Variants in BCCIP observed in about 807,000 individuals in gnomAD.
The protein encoded by BCCIP is BRCA2 and CDKN1A-interacting protein.
Under a neutral mutation model 32.8 loss-of-function variants are expected in BCCIP, and 23 were observed. The observed-to-expected ratio is 0.70, with a 90% CI of 0.51 to 0.99. The LOEUF is 0.99. Among genes scored for constraint, BCCIP ranks in the 50% least tolerant of loss-of-function variants. The pLI, the probability that BCCIP is intolerant of heterozygous loss-of-function variation, is 0.00. For synonymous variants in BCCIP, 144 were observed against 137.6 expected (o/e 1.05, Z -0.33); for missense variants, 378 against 379.8 (o/e 1.00, Z 0.04).
At chr10:125,835,578 C>CAAAA (rs5788716) in intron 6 of BCCIP, among the ~76,000 whole-genome samples, 1 of 144,724 alleles carries the variant, frequency 6.9e-6, no homozygotes. Flanking sequence ...GACTCTGTCT[C>CAAAA]AAAAAAAAAA....
In BCCIP at chr10:125,833,856, A is replaced by T. The variant is rs763341535; in HGVS notation, c.684A>T (p.Glu228Asp). The change falls in exon 6 of 7, where the codon GAA becomes GAT. Residue 228 changes from glutamate (E) to aspartate (D), a missense_variant. Transcript: ENST00000278100. ...FYLLISKTFV[E>D]AGKNNSKKKP... ...TTCTGATTAGTAAGACATTTGTGGAAGCAGGAAAAAACAATTCCAAAAAGA... is the reference window on the plus strand; with the variant it reads ...TTCTGATTAGTAAGACATTTGTGGATGCAGGAAAAAACAATTCCAAAAAGA... 6.2e-6 allele frequency: 10 copies of T among 1,614,134 alleles called. No homozygotes were observed. The South Asian group carries it at 1.1e-4, about 18-fold the overall frequency.
At chr10:125,826,236 C>A in intron 1 of BCCIP, 1 of 266,082 alleles carries the variant, frequency 3.8e-6, no homozygotes, top group South Asian at 4.0e-5. Flanking sequence ...TGGATTGATA[C>A]TTAATAAATA....
At chr10:125,831,131 A>G (rs1231757762) in intron 4 of BCCIP, among the ~76,000 whole-genome samples, 2 of 152,240 alleles carry the variant, frequency 1.3e-5, no homozygotes, top group African/African-American at 4.8e-5. Context: ...TTTGAAATAA[A>G]CTGTCCAGTT....
At position 125,833,890 on chromosome 10, in the gene BCCIP, A is replaced by G; in HGVS notation, c.718A>G (p.Asn240Asp). 6.2e-7 allele frequency: 1 copy of G among 1,614,274 alleles called. No homozygotes were observed. Among genetic ancestry groups the G allele is most frequent in the Non-Finnish European group, 8.5e-7 (1 of 1,180,052 alleles). ...GKNNSKKKPS[N>D]KKKAALMFAN... is the part of the protein sequence containing the mutation. ...AAACAATTCCAAAAAGAAACCTAGC[A>G]ACAAAAAGAAAGCTGCGTTAATGTT... The change falls in exon 6 of 7, where the codon AAC becomes GAC. Residue 240 changes from asparagine (N) to aspartate (D), a missense_variant. Coordinates refer to ENST00000278100, the MANE Select transcript of BCCIP (RefSeq NM_078468.3).
chr10:125,834,896 G>T (rs1160525932), intron 6 of BCCIP, among the ~76,000 whole-genome samples: 1 of 152,042 alleles, frequency 6.6e-6, no homozygotes, highest in Non-Finnish European at 1.5e-5. Context: ...ACTTTGGGAG[G>T]TCAAGGCGGG....
chr10:125,824,457 C>T (rs1462916242), intron 1 of BCCIP, among the ~76,000 whole-genome samples: 1 of 152,184 alleles, frequency 6.6e-6, no homozygotes, highest in Non-Finnish European at 1.5e-5. Context: ...AATTCATGCC[C>T]CTCTCTTAAT....
intron 3 of BCCIP, among the ~76,000 whole-genome samples, chr10:125,827,966 T>TG (rs142737492): frequency 0.026 from 1,595 of 60,242 alleles, 37 homozygotes; most frequent in African/African-American, 0.091. Context: ...ACCCTATATC[T>TG]GAAAAAAAAA....
chr10:125,828,792 T>G (rs564932280), intron 3 of BCCIP, among the ~76,000 whole-genome samples: 1 of 152,356 alleles, frequency 6.6e-6, no homozygotes, highest in South Asian at 2.1e-4. Context: ...ACAACTCATC[T>G]GTGCTCCTGC....
chr10:125,845,857 T>C (rs1944010062), downstream of BCCIP, among the ~76,000 whole-genome samples: 1 of 152,196 alleles, frequency 6.6e-6, no homozygotes, highest in East Asian at 1.9e-4. Context: ...CCTCCGAGCT[T>C]AGCTGTGCCT....
At position 125,853,123 on chromosome 10, in the gene BCCIP, A is replaced by G. The variant is rs150182729; in HGVS notation, c.851-2A>G. On this transcript the variant is annotated splice_acceptor_variant, in intron 7 of 7. Transcript: ENST00000368759. LOFTEE classifies it high-confidence loss of function. ...TGGCACTAACAATGATTTTCCTTAC[A>G]GGTGGTTCACGGGGGCAAGTGACAG... 6 of 1,598,810 alleles carry G rather than the reference A, an allele frequency of 3.8e-6. No individual in the cohort carries two copies. The highest frequency in any genetic ancestry group is 5.1e-6 in the Non-Finnish European group (6 of 1,170,878).
chr10:125,841,743 C>A, exon 7 of BCCIP: 1 of 1,609,512 alleles, frequency 6.2e-7, no homozygotes. Context: ...TTAAGGATAC[C>A]TGTTACCATG....
At chr10:125,825,076 C>CT (rs1425916656) in intron 1 of BCCIP, among the ~76,000 whole-genome samples, 1 of 152,270 alleles carries the variant, frequency 6.6e-6, no homozygotes, top group African/African-American at 2.4e-5. Flanking sequence ...AGAACTTTGA[C>CT]TGGCTCTTTT....
At chr10:125,832,977 C>G (rs576242117) in intron 5 of BCCIP, among the ~76,000 whole-genome samples, 4 of 151,744 alleles carry the variant, frequency 2.6e-5, no homozygotes, top group African/African-American at 9.7e-5. Context: ...AAAAAATTAG[C>G]CGGGTATGGT....
At chr10:125,841,652 C>T in exon 7 of BCCIP, 1 of 1,521,234 alleles carries the variant, frequency 6.6e-7, no homozygotes. Flanking sequence ...CTGCTCTGTG[C>T]TCCTCAAAAT....
Position 125,833,911 on chromosome 10 carries a change from A to T in BCCIP, c.739A>T (p.Met247Leu), listed in dbSNP as rs373561999. ...TAGCAACAAAAAGAAAGCTGCGTTA[A>T]TGTTTGCAAATGCAGAGGAAGAATT... ...KPSNKKKAAL[M>L]FANAEEEFFY... The change falls in exon 6 of 7, where the codon ATG (methionine) becomes TTG (leucine). Residue 247 changes from methionine to leucine, a missense_variant. By Grantham distance (15) the Met-to-Leu change is conservative. Transcript: ENST00000278100. 2.9e-5 allele frequency: 47 copies of T among 1,614,140 alleles called. No individual in the cohort carries two copies. The Middle Eastern group carries it at 4.9e-4, about 17-fold the overall frequency.
chr10:125,826,453 G>T lies in BCCIP; in HGVS notation c.166-138G>T, dbSNP rs1298855349. 5 of 1,359,676 alleles carry T rather than the reference G, an allele frequency of 3.7e-6. No individual in the cohort carries two copies. The African/African-American group carries it at 7.5e-5, about 20-fold the overall frequency. 84.2% of individuals were successfully genotyped at this position (1,359,676 alleles called of 1,614,324 possible). The stretch of plus-strand genomic sequence containing the variant: ...TACTCTGAGTGTTTTGTTTTCTCAG[G>T]CTTTTGTGTCACCTGAAGAAATAGT... On this transcript the variant is annotated intron_variant, in intron 1 of 6. Coordinates refer to ENST00000278100, the MANE Select transcript of BCCIP (RefSeq NM_078468.3).
downstream of BCCIP, among the ~76,000 whole-genome samples, chr10:125,843,324 A>G (rs1016132846): frequency 6.6e-6 from 1 of 152,128 alleles, no homozygotes; most frequent in African/African-American, 2.4e-5. Flanking sequence ...ATTAAGCTCT[A>G]TGTCTAAATT....
At chr10:125,833,423 G>T (rs1194707138) in intron 5 of BCCIP, among the ~76,000 whole-genome samples, 1 of 152,156 alleles carries the variant, frequency 6.6e-6, no homozygotes, top group Admixed American at 6.5e-5. Flanking sequence ...AATGTTCATT[G>T]CTTTAAAAAA....
intron 7 of BCCIP, among the ~76,000 whole-genome samples, chr10:125,850,358 T>C (rs113151817): frequency 0.015 from 2,238 of 147,392 alleles, 29 homozygotes; most frequent in South Asian, 0.03. Flanking sequence ...TTCTTTCTTT[T>C]TTTTTTTTTT....
Sources: gnomAD v4.1 joint callset for allele counts (sites outside exome capture counted in the v4.1 genomes callset) on GRCh38, gnomAD v4.1.1 for gene constraint, MANE v1.5 for transcripts, NCBI Gene and HGNC (gene_info 2026-07-23, HGNC 2026-07-21) for gene names.